Variants in DLC1 observed in about 807,000 individuals in gnomAD.
The protein encoded by DLC1 is DLC1 Rho GTPase activating protein.
A neutral mutation model predicts 140.3 loss-of-function variants in DLC1; 54 were observed. The ratio of observed to expected loss-of-function variants is 0.38; its 90% CI spans 0.31 to 0.48. The LOEUF (loss-of-function observed/expected upper bound fraction) is 0.48, where lower values mean the gene tolerates loss of function less well. Among genes scored for constraint, DLC1 ranks in the 20% least tolerant of loss-of-function variants. The probability of loss-of-function intolerance (pLI) is 0.96; values close to 1 mark genes in which losing one functional copy is unlikely to be tolerated. For missense variants in DLC1, 2,536 were observed against 1,907.0 expected (o/e 1.33, Z -6.14); for synonymous variants, 986 against 728.1 (o/e 1.35, Z -5.70).
intron 1 of DLC1, among the ~76,000 whole-genome samples, chr8:13,529,841 TA>T (rs1198491114): frequency 1.3e-5 from 2 of 152,196 alleles, no homozygotes; most frequent in African/African-American, 2.4e-5. Flanking sequence ...AATAACAATA[TA>T]TTTTTTTTCT....
At chr8:13,364,924 GT>G in intron 4 of DLC1, among the ~76,000 whole-genome samples, 1 of 152,252 alleles carries the variant, frequency 6.6e-6, no homozygotes, top group East Asian at 1.9e-4. Flanking sequence ...TGCAATGTTT[GT>G]TTTCTGTCCT....
At chr8:13,593,666 T>A (rs956748976) in intron 1 of DLC1, among the ~76,000 whole-genome samples, 1 of 152,098 alleles carries the variant, frequency 6.6e-6, no homozygotes. Context: ...GCCCGATTCA[T>A]ACAGAATTGG....
intron 5 of DLC1, among the ~76,000 whole-genome samples, chr8:13,226,887 C>G (rs1231381228): frequency 6.6e-6 from 1 of 152,146 alleles, no homozygotes; most frequent in Non-Finnish European, 1.5e-5. Flanking sequence ...TGGTTCTGAG[C>G]TTCCCTCAAG....
At chr8:13,206,990 T>C (rs892153077) in intron 5 of DLC1, among the ~76,000 whole-genome samples, 1 of 152,192 alleles carries the variant, frequency 6.6e-6, no homozygotes, top group African/African-American at 2.4e-5. Flanking sequence ...GATAAAGATG[T>C]CACTTAAACA....
chr8:13,279,442 G>A (rs1831287744), intron 5 of DLC1, among the ~76,000 whole-genome samples: 1 of 152,182 alleles, frequency 6.6e-6, no homozygotes, highest in Non-Finnish European at 1.5e-5. Flanking sequence ...ACCTACTTAA[G>A]AGGACTTTAT....
At chr8:13,582,809 A>G (rs1321223525) in intron 1 of DLC1, among the ~76,000 whole-genome samples, 1 of 145,092 alleles carries the variant, frequency 6.9e-6, no homozygotes, top group East Asian at 2.0e-4. Context: ...ATATCTCAAT[A>G]AAGTGAGTCA....
chr8:13,558,883 A>G (rs929682192), intron 1 of DLC1: 16 of 152,154 alleles, frequency 1.1e-4, no homozygotes, highest in African/African-American at 3.9e-4. Context: ...CAAGCCTTTT[A>G]TCTCTCAATG....
intron 1 of DLC1, chr8:13,566,817 A>G: frequency 3.8e-6 from 3 of 788,892 alleles, no homozygotes; most frequent in Non-Finnish European, 5.6e-6. Context: ...GTGGCCAGTC[A>G]CTGCGCATGA....
intron 5 of DLC1, among the ~76,000 whole-genome samples, chr8:13,246,827 C>T (rs919531011): frequency 2.6e-5 from 4 of 152,058 alleles, no homozygotes; most frequent in African/African-American, 9.7e-5. Context: ...AGACATATTT[C>T]TAATATTTGT....
At chr8:13,151,669 G>T (rs758285680) in intron 5 of DLC1, among the ~76,000 whole-genome samples, 1 of 152,168 alleles carries the variant, frequency 6.6e-6, no homozygotes, top group Non-Finnish European at 1.5e-5. Flanking sequence ...AGAAACTAAA[G>T]AAGTTGACCC....
chr8:13,375,490 T>C lies in DLC1; in HGVS notation c.1314+18063A>G, dbSNP rs556609136. On this transcript the variant is annotated intron_variant, in intron 4 of 17. Transcript: ENST00000276297. ...TTGACTTCCTCTTTTCCTAATTGAA[T>C]ATCCTTTATTTCTTTCTCCTGCCTG... Among the ~76,000 whole-genome samples the C allele has an allele frequency of 3.3e-5, 5 of 152,324 alleles. No homozygotes were observed. In the East Asian group the frequency reaches 9.7e-4, roughly 29 times the overall value.
intron 5 of DLC1, among the ~76,000 whole-genome samples, chr8:13,138,533 G>A (rs940648621): frequency 2.0e-5 from 3 of 152,216 alleles, no homozygotes; most frequent in African/African-American, 4.8e-5. Flanking sequence ...CTTGGAAAAT[G>A]TTATAATTTG....
intron 1 of DLC1, among the ~76,000 whole-genome samples, chr8:13,527,591 G>T (rs1236350838): frequency 6.6e-6 from 1 of 152,066 alleles, no homozygotes; most frequent in East Asian, 1.9e-4. Flanking sequence ...TATGGTTGGA[G>T]AACCTACTAT....
At chr8:13,116,672 C>T (rs1026442389) in intron 5 of DLC1, among the ~76,000 whole-genome samples, 2 of 152,144 alleles carry the variant, frequency 1.3e-5, no homozygotes, top group Non-Finnish European at 1.5e-5. Flanking sequence ...GTTTTCAAAG[C>T]ACTTTTTCAC....
intron 2 of DLC1, among the ~76,000 whole-genome samples, chr8:13,470,969 T>C (rs1030397799): frequency 6.6e-6 from 1 of 152,048 alleles, no homozygotes; most frequent in Admixed American, 6.5e-5. Flanking sequence ...TAGCCAAAAA[T>C]AGAAGGAAAT....
At chr8:13,547,210 T>C (rs2117345588) in intron 1 of DLC1, among the ~76,000 whole-genome samples, 1 of 152,194 alleles carries the variant, frequency 6.6e-6, no homozygotes, top group East Asian at 1.9e-4. Context: ...AATAAACAAC[T>C]GAACAATTTT....
intron 2 of DLC1, among the ~76,000 whole-genome samples, chr8:13,420,329 A>G (rs1389811581): frequency 1.3e-5 from 2 of 152,140 alleles, no homozygotes; most frequent in Admixed American, 6.6e-5. Flanking sequence ...AGGAGAAAGT[A>G]GGGAGGAAAT....
intron 1 of DLC1, among the ~76,000 whole-genome samples, chr8:13,578,914 C>T (rs1048353693): frequency 2.6e-5 from 4 of 151,890 alleles, no homozygotes; most frequent in Admixed American, 1.3e-4. Flanking sequence ...CAACCTTCCG[C>T]CCTACTCCCC....
chr8:13,241,095 A>C (rs1374924705), intron 5 of DLC1, among the ~76,000 whole-genome samples: 2 of 152,198 alleles, frequency 1.3e-5, no homozygotes, highest in Non-Finnish European at 2.9e-5. Context: ...TTCTACACTT[A>C]AATTACATTC....
Sources: gnomAD v4.1 joint callset for allele counts (sites outside exome capture counted in the v4.1 genomes callset) on GRCh38, gnomAD v4.1.1 for gene constraint, MANE v1.5 for transcripts, NCBI Gene and HGNC (gene_info 2026-07-23, HGNC 2026-07-21) for gene names.